LIPC: variants seen among roughly 807,000 people sequenced by gnomAD.
LIPC encodes hepatic triacylglycerol lipase.
LIPC carries 44 observed loss-of-function variants against 50.7 expected under a neutral mutation model. That is an observed-to-expected ratio of 0.87 (90% CI 0.68 to 1.11). The LOEUF (loss-of-function observed/expected upper bound fraction) is 1.11. Ranked by LOEUF, LIPC falls within the 50% of genes most tolerant of loss-of-function variation. LIPC has a pLI of 0.00. For missense variants in LIPC, 697 were observed against 648.2 expected, an observed-to-expected ratio of 1.08 and a Z score of -0.82; for synonymous variants, 271 against 256.4, an observed-to-expected ratio of 1.06 and a Z score of -0.54.
intron 1 of LIPC, among the ~76,000 whole-genome samples, chr15:58,478,984 T>C (rs774624738): frequency 2.0e-5 from 3 of 152,248 alleles, no homozygotes; most frequent in Non-Finnish European, 4.4e-5. Context: ...GCCTCGGAGT[T>C]GAAGCCAGGG....
chr15:58,524,703 C>T (rs74808876), intron 1 of LIPC, among the ~76,000 whole-genome samples: 2,517 of 152,262 alleles, frequency 0.017, 80 homozygotes, highest in African/African-American at 0.058. Context: ...ATTCATATTC[C>T]TTTTTCTGTG....
In LIPC at chr15:58,547,106, A is replaced by G. The variant is rs1268288401; in HGVS notation, c.808+1131A>G. ...AACACATTTCTGACCAATCATTACC[A>G]TTTGCTCTTTTGTGCTAAACTTCAA... On this transcript the variant is annotated intron_variant, in intron 5 of 8. Transcript: ENST00000299022. Among the ~76,000 whole-genome samples the G allele has an allele frequency of 3.9e-5, 6 of 152,256 alleles. No homozygotes were observed. In the East Asian group the frequency reaches 9.6e-4, roughly 24 times the overall value.
intron 1 of LIPC, among the ~76,000 whole-genome samples, chr15:58,489,890 G>C (rs1229641611): frequency 6.6e-6 from 1 of 152,074 alleles, no homozygotes; most frequent in East Asian, 1.9e-4. Context: ...CCTACACCTA[G>C]GAATGACCAA....
intron 1 of LIPC, among the ~76,000 whole-genome samples, chr15:58,537,814 T>C (rs1893184763): frequency 1.3e-5 from 2 of 152,240 alleles, no homozygotes; most frequent in South Asian, 4.1e-4. Flanking sequence ...CTGTACCTTG[T>C]CCCTGCAAGG....
chr15:58,562,182 G>C (rs1327119607), intron 7 of LIPC, among the ~76,000 whole-genome samples: 1 of 152,138 alleles, frequency 6.6e-6, no homozygotes, highest in Non-Finnish European at 1.5e-5. Context: ...TGGCCATCCT[G>C]GTCAGACAGG....
chr15:58,486,036 C>G (rs1891363958), intron 1 of LIPC, among the ~76,000 whole-genome samples: 1 of 152,178 alleles, frequency 6.6e-6, no homozygotes, highest in African/African-American at 2.4e-5. Flanking sequence ...AAGTAGGTTC[C>G]AGTGAACAGA....
At chr15:58,455,314 G>C (rs1159373335) in intron 1 of LIPC, among the ~76,000 whole-genome samples, 5 of 152,204 alleles carry the variant, frequency 3.3e-5, no homozygotes, top group Non-Finnish European at 7.3e-5. Flanking sequence ...AGCAGCCACA[G>C]ACAATAGACA....
At chr15:58,508,841 A>G (rs1595907684) in intron 1 of LIPC, among the ~76,000 whole-genome samples, 1 of 150,274 alleles carries the variant, frequency 6.7e-6, no homozygotes, top group Non-Finnish European at 1.5e-5. Flanking sequence ...TCAACCCTTC[A>G]TTCCTGCTAC....
chr15:58,553,325 G>A (rs1366912836), intron 6 of LIPC, among the ~76,000 whole-genome samples: 1 of 152,250 alleles, frequency 6.6e-6, no homozygotes, highest in Non-Finnish European at 1.5e-5. Context: ...GCCAGGCACG[G>A]TGGCTCACAC....
chr15:58,444,516 T>C (rs1379777240), intron 1 of LIPC, among the ~76,000 whole-genome samples: 1 of 152,118 alleles, frequency 6.6e-6, no homozygotes, highest in African/African-American at 2.4e-5. Context: ...TTTCTCACAG[T>C]TCTGGAAGTG....
chr15:58,554,168 T>G (rs1296050802), intron 6 of LIPC, among the ~76,000 whole-genome samples: 3 of 152,222 alleles, frequency 2.0e-5, no homozygotes, highest in Admixed American at 6.5e-5. Flanking sequence ...GTAAGTTTTT[T>G]CTTTTTTAAA....
At chr15:58,440,511 G>T (rs1391358685) in intron 1 of LIPC, among the ~76,000 whole-genome samples, 1 of 152,174 alleles carries the variant, frequency 6.6e-6, no homozygotes, top group African/African-American at 2.4e-5. Flanking sequence ...CAGGCCCCAT[G>T]GTCAGTAGGA....
At chr15:58,475,082 G>A (rs755668879) in intron 1 of LIPC, among the ~76,000 whole-genome samples, 2 of 152,184 alleles carry the variant, frequency 1.3e-5, no homozygotes, top group Non-Finnish European at 2.9e-5. Flanking sequence ...TTCCCACAGG[G>A]GAAGTTACTG....
At chr15:58,470,987 C>T (rs1238245280) in intron 1 of LIPC, among the ~76,000 whole-genome samples, 1 of 151,844 alleles carries the variant, frequency 6.6e-6, no homozygotes, top group Non-Finnish European at 1.5e-5. Flanking sequence ...AGAAAAGCTT[C>T]CATAAAGAAA....
chr15:58,547,542 C>T (rs1893579132), intron 5 of LIPC, among the ~76,000 whole-genome samples: 1 of 151,988 alleles, frequency 6.6e-6, no homozygotes, highest in Admixed American at 6.6e-5. Flanking sequence ...TGTGCTGTCC[C>T]TTTACAGCAA....
intron 6 of LIPC, among the ~76,000 whole-genome samples, chr15:58,556,428 T>A (rs776179328): frequency 6.6e-6 from 1 of 152,222 alleles, no homozygotes; most frequent in Non-Finnish European, 1.5e-5. Flanking sequence ...GTAAAAGCTC[T>A]TTCTTTTTCC....
chr15:58,557,207 T>G (rs1454485272), intron 6 of LIPC, among the ~76,000 whole-genome samples: 4 of 152,128 alleles, frequency 2.6e-5, no homozygotes, highest in Non-Finnish European at 5.9e-5. Flanking sequence ...AGCTGTGTGA[T>G]CCGAGAAAAG....
chr15:58,519,472 AAG>A (rs1353169845), intron 1 of LIPC, among the ~76,000 whole-genome samples: 2 of 151,990 alleles, frequency 1.3e-5, no homozygotes, highest in African/African-American at 4.8e-5. Context: ...GCCAAGGATT[AAG>A]AGAGTTACTC....
intron 1 of LIPC, among the ~76,000 whole-genome samples, chr15:58,438,614 G>A (rs1893394703): frequency 1.3e-5 from 2 of 152,224 alleles, no homozygotes; most frequent in Admixed American, 1.3e-4. Flanking sequence ...AGGCAGTCGG[G>A]TCTTACATTC....
Sources: allele counts gnomAD v4.1 joint callset (sites outside exome capture counted in the v4.1 genomes callset), GRCh38; gene constraint gnomAD v4.1.1; transcripts MANE v1.5; gene names NCBI Gene and HGNC (gene_info 2026-07-23, HGNC 2026-07-21).